PCDHGA2: variants seen among roughly 807,000 people sequenced by gnomAD.
PCDHGA2 encodes the protein protocadherin gamma-A2.
Under a neutral mutation model 59.2 loss-of-function variants are expected in PCDHGA2, and 40 were observed. The observed-to-expected ratio is 0.68, with a 90% CI of 0.52 to 0.88. PCDHGA2 has a LOEUF of 0.88. PCDHGA2 is among the 40% of genes least tolerant of loss of function. PCDHGA2 has a pLI of 0.00. For synonymous variants in PCDHGA2, 560 were observed against 526.0 expected, an observed-to-expected ratio of 1.06 and a Z score of -0.89; for missense variants, 1,226 against 1,204.0, an observed-to-expected ratio of 1.02 and a Z score of -0.27.
chr5:141,422,699 C>G (rs765368737), intron 1 of PCDHGA2: 2 of 1,603,420 alleles, frequency 1.2e-6, no homozygotes, highest in South Asian at 1.1e-5. Context: ...GTCACTTACT[C>G]TCTGACGGAT....
At chr5:141,437,150 A>T (rs572721302) in intron 1 of PCDHGA2, among the ~76,000 whole-genome samples, 1 of 152,328 alleles carries the variant, frequency 6.6e-6, no homozygotes, top group East Asian at 1.9e-4. Flanking sequence ...CATAATTAAC[A>T]TATGTGTTGA....
intron 1 of PCDHGA2, chr5:141,366,021 A>G (rs1165223117): frequency 1.9e-6 from 3 of 1,614,092 alleles, no homozygotes; most frequent in Non-Finnish European, 1.7e-6. Flanking sequence ...GAGATCCTGT[A>G]CCCCGCCCTC....
At chr5:141,429,388 A>T (rs6890453) in intron 1 of PCDHGA2, among the ~76,000 whole-genome samples, 24,714 of 140,916 alleles carry the variant, frequency 0.18, 2,276 homozygotes, top group African/African-American at 0.28. Flanking sequence ...TTTTTTTTTT[A>T]AAAAAAATTG....
At chr5:141,393,218 C>G (rs1157907229) in intron 1 of PCDHGA2, 2 of 1,613,598 alleles carry the variant, frequency 1.2e-6, no homozygotes, top group Admixed American at 3.3e-5. Flanking sequence ...AATTCCAGGT[C>G]GAAGATCTAG....
intron 1 of PCDHGA2, chr5:141,423,397 C>A: frequency 1.9e-6 from 3 of 1,614,146 alleles, no homozygotes; most frequent in Non-Finnish European, 2.5e-6. Context: ...GCATAAGTCA[C>A]GCCTGCTGCA....
intron 1 of PCDHGA2, among the ~76,000 whole-genome samples, chr5:141,429,527 T>TA (rs1321273157): frequency 1.3e-5 from 2 of 152,038 alleles, no homozygotes; most frequent in African/African-American, 4.8e-5. Flanking sequence ...GAAAAAAGCT[T>TA]AAAAAAATAA....
rs118021618 is a variant in PCDHGA2, at chr5:141,382,926, C to T, written c.2424+41531C>T. On this transcript the variant is annotated intron_variant, in intron 1 of 3. Transcript: ENST00000394576. ...TGGCGGCTCAGCCGAGGGGCGGGGA[C>T]TACAGAGGATTCTTCCTGCTCTCCA... 1,227 of 1,577,740 alleles carry T rather than the reference C, an allele frequency of 7.8e-4. 19 individuals carry two copies. The East Asian group carries it at 0.025, about 33-fold the overall frequency.
At chr5:141,456,453 A>G (rs1395554812) in intron 1 of PCDHGA2, among the ~76,000 whole-genome samples, 1 of 152,190 alleles carries the variant, frequency 6.6e-6, no homozygotes, top group Non-Finnish European at 1.5e-5. Flanking sequence ...GAGTCCAAAT[A>G]TCAATACAAG....
At chr5:141,488,660 G>A (rs1274725688) in intron 1 of PCDHGA2, among the ~76,000 whole-genome samples, 1 of 152,148 alleles carries the variant, frequency 6.6e-6, no homozygotes, top group East Asian at 1.9e-4. Flanking sequence ...GGGAGGGTGG[G>A]GGAATACATG....
intron 1 of PCDHGA2, among the ~76,000 whole-genome samples, chr5:141,456,625 C>T (rs544550965): frequency 4.6e-5 from 7 of 152,288 alleles, no homozygotes; most frequent in African/African-American, 1.4e-4. Flanking sequence ...AGATTTGCCT[C>T]TTCTTTACTA....
intron 1 of PCDHGA2, among the ~76,000 whole-genome samples, chr5:141,494,034 A>T (rs1206242414): frequency 1.3e-5 from 2 of 152,162 alleles, no homozygotes; most frequent in Non-Finnish European, 2.9e-5. Flanking sequence ...CTGGAGACTT[A>T]GTTGGCCCTG....
intron 1 of PCDHGA2, chr5:141,341,614 G>T (rs1190697781): frequency 6.5e-6 from 6 of 919,270 alleles, no homozygotes; most frequent in Middle Eastern, 3.4e-4. Flanking sequence ...TAAACCAGGA[G>T]TTAATAGATA....
intron 1 of PCDHGA2, among the ~76,000 whole-genome samples, chr5:141,474,464 T>C (rs373468290): frequency 6.6e-6 from 1 of 152,252 alleles, no homozygotes; most frequent in African/African-American, 2.4e-5. Context: ...CTATACTCTT[T>C]ATTCTAAATT....
At position 141,477,004 on chromosome 5, in the gene PCDHGA2, C is replaced by T. The variant is rs1390668803; in HGVS notation, c.2425-17803C>T. On this transcript the variant is annotated intron_variant, in intron 1 of 3. Coordinates refer to ENST00000394576, the MANE Select transcript of PCDHGA2 (RefSeq NM_018915.4). The surrounding 1 kb of genome is among the most constrained non-coding windows in gnomAD (Gnocchi z 4.9). ...GCGCCGGCGTGCGGCAACTATTCGC[C>T]TTAGACCTTGTAACCGGGATGCTGA... is the stretch of plus-strand genomic sequence containing the variant. 3 of 1,614,236 alleles carry T rather than the reference C, an allele frequency of 1.9e-6. No homozygotes were observed. The highest frequency in any genetic ancestry group is 2.5e-6 in the Non-Finnish European group (3 of 1,180,042).
At position 141,419,726 on chromosome 5, in the gene PCDHGA2, A is replaced by AC. The variant is rs757890106; in HGVS notation, c.2425-75080dup. On this transcript the variant is annotated intron_variant, in intron 1 of 3. Coordinates refer to ENST00000394576, the MANE Select transcript of PCDHGA2 (RefSeq NM_018915.4). ...CGGGCTCTTCAGCCTGGGGCTGCGA[A>AC]CAGGCGAGGTGCGCATGGTGCGTGC... 3.1e-6 allele frequency: 5 copies of AC among 1,613,402 alleles called. No individual in the cohort carries two copies. The Admixed American group carries it at 8.3e-5, about 27-fold the overall frequency.
chr5:141,383,755 C>T, intron 1 of PCDHGA2: 1 of 1,613,958 alleles, frequency 6.2e-7, no homozygotes, highest in Non-Finnish European at 8.5e-7. Context: ...GAAAATAACT[C>T]CTAAACTTCC....
At chr5:141,403,116 A>G (rs1313523426) in intron 1 of PCDHGA2, 6 of 1,614,042 alleles carry the variant, frequency 3.7e-6, no homozygotes, top group Non-Finnish European at 5.1e-6. Flanking sequence ...CTGGCTCTGG[A>G]GCCCCGGGAG....
chr5:141,478,882 A>G, intron 1 of PCDHGA2: 1 of 1,200,164 alleles, frequency 8.3e-7, no homozygotes. Context: ...TTAGCTTGGT[A>G]TCATTTACAT....
rs1307758381 is a variant in PCDHGA2 at position 141,339,124 on chromosome 5, C to T, written c.153C>T (p.Asp51=). 2 of 1,614,244 alleles carry T rather than the reference C, an allele frequency of 1.2e-6. No homozygotes were observed. The highest frequency in any genetic ancestry group is 1.1e-5 in the South Asian group (1 of 91,086). ...CCTTCGTAGGCAACATCGCCAAGGA[C>T]TTGGGTTTGGAGCCCCTGGCACTGG... is the stretch of plus-strand genomic sequence containing the variant. ...RGSFVGNIAK[D]LGLEPLALAE... Residue 51 remains aspartate, a synonymous_variant, in exon 1 of 4, where the codon GAC becomes GAT. Coordinates refer to ENST00000394576, the MANE Select transcript of PCDHGA2 (RefSeq NM_018915.4).
Sources: gnomAD v4.1 joint callset for allele counts (sites outside exome capture counted in the v4.1 genomes callset) on GRCh38, gnomAD v4.1.1 for gene constraint, Gnocchi (gnomAD v3.1) non-coding constraint, MANE v1.5 for transcripts, NCBI Gene and HGNC (gene_info 2026-07-23, HGNC 2026-07-21) for gene names.